GPD2: variants seen among roughly 807,000 people sequenced by gnomAD.
GPD2 encodes glycerol-3-phosphate dehydrogenase, mitochondrial.
Under a neutral mutation model 82.4 loss-of-function variants are expected in GPD2, and 54 were observed. The observed-to-expected ratio is 0.66, with a 90% CI of 0.53 to 0.82. The LOEUF (loss-of-function observed/expected upper bound fraction) is 0.82. Ranked by LOEUF, GPD2 falls within the 40% of genes least tolerant of loss-of-function variation. GPD2 has a pLI of 0.00. For synonymous variants in GPD2, 288 were observed against 306.1 expected, an observed-to-expected ratio of 0.94 and a Z score of 0.62; for missense variants, 748 against 896.2, an observed-to-expected ratio of 0.83 and a Z score of 2.11.
chr2:156,580,673 T>G (rs1687996375), intron 16 of GPD2, among the ~76,000 whole-genome samples: 1 of 152,196 alleles, frequency 6.6e-6, no homozygotes, highest in African/African-American at 2.4e-5. Context: ...CTTTCTTCAC[T>G]GTGTCAAGTT....
At chr2:156,569,765 G>T (rs750761342) in intron 11 of GPD2, among the ~76,000 whole-genome samples, 6 of 152,086 alleles carry the variant, frequency 3.9e-5, no homozygotes, top group South Asian at 2.1e-4. Context: ...AGTTTATTTG[G>T]TTTGTTTCTA....
upstream of GPD2, among the ~76,000 whole-genome samples, chr2:156,434,459 A>G (rs1434122194): frequency 6.6e-6 from 1 of 151,578 alleles, no homozygotes; most frequent in Non-Finnish European, 1.5e-5. Context: ...GTTTACCAAT[A>G]ATTTACATAA....
intron 2 of GPD2, among the ~76,000 whole-genome samples, chr2:156,488,812 A>T (rs546663798): frequency 6.6e-6 from 1 of 152,254 alleles, no homozygotes; most frequent in South Asian, 2.1e-4. Context: ...TGCTGAAGGA[A>T]TTTTATCTTT....
At chr2:156,427,874 T>G in the GPD2 span, among the ~76,000 whole-genome samples, 3 of 152,188 alleles carry the variant, frequency 2.0e-5, no homozygotes, top group Non-Finnish European at 4.4e-5. Context: ...TTTCTTCCAG[T>G]TTCTGGTGGC....
At chr2:156,440,306 T>A (rs1050558313) in intron 1 of GPD2, among the ~76,000 whole-genome samples, 11 of 152,192 alleles carry the variant, frequency 7.2e-5, no homozygotes, top group Non-Finnish European at 1.5e-4. Context: ...AGCCAGGAAA[T>A]CTCTAACAAT....
At position 156,496,222 on chromosome 2, in the gene GPD2, C is replaced by CTT. The variant is rs55843224; in HGVS notation, c.274+18_274+19dup. 6.9e-5 allele frequency: 94 copies of CTT among 1,352,880 alleles called. No individual in the cohort carries two copies. Among genetic ancestry groups the CTT allele is most frequent in the Non-Finnish European group, 8.5e-5 (83 of 975,176 alleles). 83.8% of individuals were successfully genotyped at this position (1,352,880 alleles called of 1,614,324 possible). Reference sequence around the variant, plus strand: ...CTAGATGCTGTCACCAGAGGTAAGTCTTTTTTTTTTTTATTTTAATTTTAA... The same window carrying CTT: ...CTAGATGCTGTCACCAGAGGTAAGTCTTTTTTTTTTTTTTATTTTAATTTTAA... On this transcript the variant is annotated splice_region_variant and intron_variant, in intron 3 of 16. Transcript: ENST00000438166.
At position 156,512,241 on chromosome 2, in the gene GPD2, CT is replaced by C. The variant is rs1180964333; in HGVS notation, c.423del (p.His142MetfsTer7). The C allele has an allele frequency of 2.5e-6, 4 of 1,590,888 alleles. No homozygotes were observed. Among genetic ancestry groups the C allele is most frequent in the Non-Finnish European group, 3.5e-6 (4 of 1,159,036 alleles). On this transcript the variant is annotated frameshift_variant, in exon 5 of 17. Transcript: ENST00000438166. LOFTEE classifies it high-confidence loss of function. ...IEQYRMVKEA[L>X]HERANLLEIA... ...TCAGTATAGGATGGTAAAAGAAGCCCTTCATGAGCGTGCCAACCTGCTAGAA... is the reference window on the plus strand; with the variant it reads ...TCAGTATAGGATGGTAAAAGAAGCCCTCATGAGCGTGCCAACCTGCTAGAA...
chr2:156,414,100 T>A, the GPD2 span, among the ~76,000 whole-genome samples: 702 of 152,312 alleles, frequency 4.6e-3, 10 homozygotes, highest in South Asian at 0.042. Flanking sequence ...AATGCACATA[T>A]CACTTGGGGA....
chr2:156,430,239 T>G, the GPD2 span, among the ~76,000 whole-genome samples: 1 of 152,132 alleles, frequency 6.6e-6, no homozygotes, highest in East Asian at 1.9e-4. Flanking sequence ...ACAAATATTA[T>G]CCCACTCAAT....
upstream of GPD2, chr2:156,436,285 G>T (rs74424982): frequency 0.017 from 2,601 of 152,944 alleles, 28 homozygotes; most frequent in Middle Eastern, 0.027. Flanking sequence ...CTCCGGGAGG[G>T]AGCAGGCGCG....
At chr2:156,417,054 C>A in the GPD2 span, among the ~76,000 whole-genome samples, 1 of 152,176 alleles carries the variant, frequency 6.6e-6, no homozygotes, top group Non-Finnish European at 1.5e-5. Flanking sequence ...GGCACTGAAA[C>A]ATACCTGTCA....
intron 6 of GPD2, among the ~76,000 whole-genome samples, chr2:156,533,085 C>T (rs1685928035): frequency 6.6e-6 from 1 of 152,150 alleles, no homozygotes; most frequent in African/African-American, 2.4e-5. Flanking sequence ...TTTCCTAAGG[C>T]TGAAGGAAGC....
chr2:156,523,377 A>G (rs1157205329), intron 6 of GPD2, among the ~76,000 whole-genome samples: 1 of 152,214 alleles, frequency 6.6e-6, no homozygotes, highest in African/African-American at 2.4e-5. Context: ...AGTTCGTTAT[A>G]CACTTTTAAA....
chr2:156,417,883 A>T, the GPD2 span, among the ~76,000 whole-genome samples: 1 of 152,062 alleles, frequency 6.6e-6, no homozygotes, highest in East Asian at 1.9e-4. Context: ...TATCTCTAAA[A>T]ATAAAAATAA....
upstream of GPD2, among the ~76,000 whole-genome samples, chr2:156,432,252 A>C (rs1688324887): frequency 6.6e-6 from 1 of 152,224 alleles, no homozygotes; most frequent in Non-Finnish European, 1.5e-5. Context: ...TATTCATTAA[A>C]AATTTTTTAA....
intron 13 of GPD2, among the ~76,000 whole-genome samples, chr2:156,577,736 C>T (rs1353070924): frequency 1.3e-5 from 2 of 152,178 alleles, no homozygotes; most frequent in Non-Finnish European, 2.9e-5. Flanking sequence ...ATTTCAAAAT[C>T]TCAGTGGCTC....
At chr2:156,548,780 G>C (rs1181288646) in intron 6 of GPD2, among the ~76,000 whole-genome samples, 1 of 152,008 alleles carries the variant, frequency 6.6e-6, no homozygotes, top group Non-Finnish European at 1.5e-5. Context: ...ATCTAGCCCT[G>C]GATAATTAAT....
intron 1 of GPD2, among the ~76,000 whole-genome samples, chr2:156,444,879 A>G (rs1237455865): frequency 6.6e-6 from 1 of 152,160 alleles, no homozygotes; most frequent in African/African-American, 2.4e-5. Context: ...CCTCCTGAGT[A>G]GCTAGAATGA....
intron 2 of GPD2, among the ~76,000 whole-genome samples, chr2:156,482,991 T>C (rs1683789721): frequency 6.6e-6 from 1 of 152,140 alleles, no homozygotes; most frequent in Admixed American, 6.5e-5. Flanking sequence ...AACTTGTAAT[T>C]GCAATCTCTC....
Sources: allele counts gnomAD v4.1 joint callset (sites outside exome capture counted in the v4.1 genomes callset), GRCh38; gene constraint gnomAD v4.1.1; transcripts MANE v1.5; gene names NCBI Gene and HGNC (gene_info 2026-07-23, HGNC 2026-07-21).